OPA1: variants seen among roughly 807,000 people sequenced by gnomAD.
The protein encoded by OPA1 is OPA1 mitochondrial dynamin like GTPase.
OPA1 carries 59 observed loss-of-function variants against 152.9 expected under a neutral mutation model. The ratio of observed to expected loss-of-function variants is 0.39; its 90% confidence interval spans 0.31 to 0.48. OPA1 has a LOEUF of 0.48. Among genes scored for constraint, OPA1 ranks in the 20% least tolerant of loss-of-function variants. OPA1 has a pLI of 0.96. For synonymous variants in OPA1, 400 were observed against 389.9 expected (o/e 1.03, Z -0.31); for missense variants, 1,008 against 1,216.8 (o/e 0.83, Z 2.55).
chr3:193,606,085 C>A (rs1324418100), intron 1 of OPA1, among the ~76,000 whole-genome samples: 1 of 152,152 alleles, frequency 6.6e-6, no homozygotes, highest in African/African-American at 2.4e-5. Flanking sequence ...CTTGGGCTCC[C>A]TCTAGTGGTG....
At chr3:193,620,205 T>C (rs879431694) in intron 6 of OPA1, among the ~76,000 whole-genome samples, 5 of 152,122 alleles carry the variant, frequency 3.3e-5, no homozygotes, top group African/African-American at 4.8e-5. Flanking sequence ...TTGTTACAGG[T>C]GTGGTAGTGT....
Position 193,593,339 on chromosome 3 carries a change from TG to T in OPA1, c.-37del, listed in dbSNP as rs1391789691. The T allele has an allele frequency of 2.0e-6, 3 of 1,538,412 alleles. No individual in the cohort carries two copies. Among genetic ancestry groups the T allele is most frequent in the Non-Finnish European group, 2.6e-6 (3 of 1,141,034 alleles). On this transcript the variant is annotated 5_prime_UTR_variant, in exon 1 of 31. It introduces an in-frame stop codon into an upstream open reading frame of the 5' UTR. Transcript: ENST00000361510. ...TGGGGCTCACACGGGGGCTCCCGCGTGGCCGTCTCGGCGCCTGCGTGACCTC... is the reference window on the plus strand; with the variant it reads ...TGGGGCTCACACGGGGGCTCCCGCGTGCCGTCTCGGCGCCTGCGTGACCTC...
intron 29 of OPA1, chr3:193,668,783 CTGTT>C (rs1443568346): frequency 1.7e-6 from 2 of 1,204,350 alleles, no homozygotes; most frequent in South Asian, 1.6e-5. Flanking sequence ...CACTTTGTCA[CTGTT>C]TGGGGTTGAT....
At position 193,684,100 on chromosome 3, in the gene OPA1, G is replaced by T. The variant is rs370562370; in HGVS notation, c.2984-7963G>T. 7.2e-5 allele frequency among the ~76,000 whole-genome samples: 11 copies of T among 152,254 alleles called. No individual in the cohort carries two copies. In the East Asian group the frequency reaches 2.1e-3, roughly 29 times the overall value. On this transcript the variant is annotated intron_variant, in intron 29 of 30. Coordinates refer to ENST00000361510, the MANE Select transcript of OPA1 (RefSeq NM_130837.3). ...GGGTCTTCTTCGTACGCACAACTGAGAGAAATTTCCCTTAAAGTGGACACT... is the reference window on the plus strand; with the variant it reads ...GGGTCTTCTTCGTACGCACAACTGATAGAAATTTCCCTTAAAGTGGACACT...
chr3:193,606,075 C>T (rs1049241179), intron 1 of OPA1, among the ~76,000 whole-genome samples: 8 of 152,092 alleles, frequency 5.3e-5, no homozygotes, highest in Non-Finnish European at 7.4e-5. Context: ...ACTAAGGTCT[C>T]TTGGGCTCCC....
intron 25 of OPA1, among the ~76,000 whole-genome samples, chr3:193,661,478 A>T (rs1715252648): frequency 6.6e-6 from 1 of 152,230 alleles, no homozygotes; most frequent in East Asian, 1.9e-4. Flanking sequence ...CCTGGAGGTT[A>T]CAGTGAGACA....
At chr3:193,597,474 T>C (rs1289644360) in intron 1 of OPA1, among the ~76,000 whole-genome samples, 2 of 152,002 alleles carry the variant, frequency 1.3e-5, no homozygotes, top group African/African-American at 4.8e-5. Context: ...GCGGATCACC[T>C]GAGGTTAGGA....
rs1361441929 is a variant in OPA1 at position 193,647,048 on chromosome 3, T to C, written c.1755-17T>C. 6.5e-6 allele frequency: 10 copies of C among 1,541,184 alleles called. No homozygotes were observed. The highest frequency in any genetic ancestry group is 4.5e-5 in the East Asian group (2 of 44,344). ...TCATTTTAATATACTTTAGCTCTTG[T>C]TATTTTTTTTTAATAGGACAAGCAT... On this transcript the variant is annotated splice_polypyrimidine_tract_variant and intron_variant, in intron 18 of 30. Coordinates refer to ENST00000361510, the MANE Select transcript of OPA1 (RefSeq NM_130837.3).
chr3:193,618,795 C>T (rs1021445268), intron 5 of OPA1, 74 bp from the exon 6 acceptor site: 5 of 1,163,706 alleles, frequency 4.3e-6, no homozygotes, highest in Non-Finnish European at 6.5e-6. Context: ...TTCATTGACT[C>T]GATGTAATTT....
chr3:193,631,643 A>G lies in OPA1; in HGVS notation c.821A>G (p.Gln274Arg), dbSNP rs1258694003. ...VSDKEKIDQL[Q>R]EELLHTQLKY... ...GACAAAGAGAAAATTGACCAACTTC[A>G]GGAAGAACTTCTGCACACTCAGGTA... The change falls in exon 8 of 31, where the codon CAG becomes CGG. Residue 274 changes from glutamine to arginine, a missense_variant. By Grantham distance (43) the Gln-to-Arg change is conservative. Around this residue, in one of 7 missense-constraint regions of OPA1, gnomAD observed 408 missense variants for 395.1 expected, o/e 1.03. Coordinates refer to ENST00000361510, the MANE Select transcript of OPA1 (RefSeq NM_130837.3). The G allele has an allele frequency of 1.2e-6, 2 of 1,612,304 alleles. No individual in the cohort carries two copies. The highest frequency in any genetic ancestry group is 1.7e-6 in the Non-Finnish European group (2 of 1,178,700).
chr3:193,659,639 T>C (rs577732251), intron 25 of OPA1, 78 bp downstream of exon 25: 2 of 1,109,106 alleles, frequency 1.8e-6, no homozygotes, highest in Non-Finnish European at 2.7e-6. Flanking sequence ...TATAACCTTT[T>C]TGTGGCTCTA....
chr3:193,634,492 G>A (rs146141667), intron 8 of OPA1, among the ~76,000 whole-genome samples: 3,614 of 151,590 alleles, frequency 0.024, 48 homozygotes, highest in East Asian at 0.031. Context: ...ATCTTGGCTC[G>A]CTGCAACCTC....
At chr3:193,675,156 G>A (rs1718695327) in intron 29 of OPA1, among the ~76,000 whole-genome samples, 1 of 151,878 alleles carries the variant, frequency 6.6e-6, no homozygotes, top group Non-Finnish European at 1.5e-5. Flanking sequence ...TGTTTCTGTA[G>A]ACTTAACCAA....
chr3:193,609,022 A>C (rs942846328), intron 1 of OPA1, among the ~76,000 whole-genome samples: 13 of 152,094 alleles, frequency 8.5e-5, no homozygotes, highest in African/African-American at 2.7e-4. Context: ...ACTAGGATTG[A>C]AACCCCTGCC....
chr3:193,636,130 G>GT (rs1732890530), intron 9 of OPA1, among the ~76,000 whole-genome samples: 1 of 152,002 alleles, frequency 6.6e-6, no homozygotes, highest in Non-Finnish European at 1.5e-5. Flanking sequence ...AGTAAGCAGA[G>GT]TTTATATGTA....
intron 6 of OPA1, among the ~76,000 whole-genome samples, chr3:193,623,789 A>T (rs115640136): frequency 0.024 from 3,616 of 152,254 alleles, 48 homozygotes; most frequent in Non-Finnish European, 0.03. Context: ...AGGTGCATAG[A>T]TTTCTTCCTC....
chr3:193,599,508 G>A (rs1057306618), intron 1 of OPA1, among the ~76,000 whole-genome samples: 3 of 151,464 alleles, frequency 2.0e-5, no homozygotes, highest in Middle Eastern at 3.2e-3. Flanking sequence ...ACAGCAAGGT[G>A]CAGTATCATC....
At chr3:193,639,319 G>A (rs1271628886) in intron 11 of OPA1, among the ~76,000 whole-genome samples, 1 of 152,206 alleles carries the variant, frequency 6.6e-6, no homozygotes, top group African/African-American at 2.4e-5. Flanking sequence ...TGTATAGTAG[G>A]TTAGAAGGCA....
intron 1 of OPA1, among the ~76,000 whole-genome samples, chr3:193,613,594 T>C (rs1220821680): frequency 6.6e-6 from 1 of 152,074 alleles, no homozygotes; most frequent in African/African-American, 2.4e-5. Context: ...TGTTTTTTTT[T>C]GGAGGTGGAG....
Sources: gnomAD v4.1 joint callset for allele counts (sites outside exome capture counted in the v4.1 genomes callset) on GRCh38, gnomAD v4.1.1 for gene constraint, gnomAD v4.1.1 regional missense constraint, MANE v1.5 for transcripts, NCBI Gene and HGNC (gene_info 2026-07-23, HGNC 2026-07-21) for gene names.